The following PITPNC1 variants were observed in gnomAD, a reference collection of about 807,000 sequenced individuals.
PITPNC1 encodes the protein cytoplasmic phosphatidylinositol transfer protein 1.
PITPNC1 carries 18 observed loss-of-function variants against 44.7 expected under a neutral mutation model. The observed-to-expected ratio is 0.40, with a 90% CI of 0.28 to 0.60. The LOEUF is 0.60. PITPNC1 is among the 20% of genes least tolerant of loss of function. The pLI, the probability that PITPNC1 is intolerant of heterozygous loss-of-function variation, is 0.39. For synonymous variants in PITPNC1, 141 were observed against 149.6 expected, an observed-to-expected ratio of 0.94 and a Z score of 0.42; for missense variants, 290 against 418.4, an observed-to-expected ratio of 0.69 and a Z score of 2.68.
At chr17:67,665,283 G>T (rs896881495) in intron 6 of PITPNC1, among the ~76,000 whole-genome samples, 1 of 152,096 alleles carries the variant, frequency 6.6e-6, no homozygotes, top group African/African-American at 2.4e-5. Flanking sequence ...TGTAGAGAAG[G>T]GGTTTTGCCA....
At chr17:67,529,262 G>A (rs1038566639) in intron 1 of PITPNC1, among the ~76,000 whole-genome samples, 4 of 152,144 alleles carry the variant, frequency 2.6e-5, no homozygotes, top group Non-Finnish European at 4.4e-5. Flanking sequence ...GCTGACTGGC[G>A]TCTGGCTAAT....
chr17:67,524,748 C>CTTTTTTTTT lies in PITPNC1; in HGVS notation c.49-8030_49-8022dup, dbSNP rs1000220869. The CTTTTTTTTT allele has an allele frequency of 1.2e-3, 8 of 6,652 alleles. 3 individuals are homozygous for CTTTTTTTTT. The highest frequency in any genetic ancestry group is 4.6e-3 in the Admixed American group (2 of 434). The allele number at this position is 6,652 out of a possible 1,614,324, so 0.4% of individuals were successfully genotyped here. ...TGTTTCAAACATATATGAAGGTTTT[C>CTTTTTTTTT]TTTTTTTTTTTTTTTTTTTTTTTTT... is the stretch of plus-strand genomic sequence containing the variant. On this transcript the variant is annotated intron_variant, in intron 1 of 8. Coordinates refer to ENST00000581322, the MANE Select transcript of PITPNC1 (RefSeq NM_012417.4).
chr17:67,497,469 G>A (rs1598743942), intron 1 of PITPNC1, among the ~76,000 whole-genome samples: 2 of 128,866 alleles, frequency 1.6e-5, no homozygotes, highest in Non-Finnish European at 1.6e-5. Context: ...TTAGGAAGTC[G>A]TCTTTTTTTT....
Position 67,687,131 on chromosome 17 carries a change from T to G in PITPNC1, c.683-5441T>G, listed in dbSNP as rs765449858. On this transcript the variant is annotated intron_variant, in intron 8 of 8. Coordinates refer to ENST00000581322, the MANE Select transcript of PITPNC1 (RefSeq NM_012417.4). ...GCATGAACAAACCAACATAAAAGTT[T>G]GCAATCAGCATTCCTCCCCTGTGGA... 4 of 1,611,724 alleles carry G rather than the reference T, an allele frequency of 2.5e-6. No homozygotes were observed. In the African/African-American group the frequency reaches 5.3e-5, roughly 22 times the overall value.
rs71139144 is a variant in PITPNC1 at position 67,424,085 on chromosome 17, C to CAAAAA, written c.48+45901_48+45905dup. ...CCTAGGCAACAGTGGGAGACTGTCT[C>CAAAAA]AAAAAAAAAAAAAAAAAAAAAATAG... On this transcript the variant is annotated intron_variant, in intron 1 of 8. Coordinates refer to ENST00000581322, the MANE Select transcript of PITPNC1 (RefSeq NM_012417.4). Among the ~76,000 whole-genome samples the CAAAAA allele has an allele frequency of 4.4e-3, 335 of 76,054 alleles. 15 individuals carry two copies. Among genetic ancestry groups the CAAAAA allele is most frequent in the Non-Finnish European group, 6.4e-3 (254 of 39,842 alleles). 49.9% of individuals were successfully genotyped at this position (76,054 alleles called of 152,430 possible).
At chr17:67,379,332 CTG>C in intron 1 of PITPNC1, 1 of 985,428 alleles carries the variant, frequency 1.0e-6, no homozygotes, top group Non-Finnish European at 1.2e-6. Context: ...AGATGCATAA[CTG>C]AGAACATGGC....
chr17:67,527,078 C>T (rs2040400102), intron 1 of PITPNC1, among the ~76,000 whole-genome samples: 1 of 152,210 alleles, frequency 6.6e-6, no homozygotes, highest in Admixed American at 6.5e-5. Context: ...AATTGCTCCA[C>T]CATTCCTTAC....
chr17:67,688,107 G>A (rs1567782008), intron 8 of PITPNC1, among the ~76,000 whole-genome samples: 1 of 151,040 alleles, frequency 6.6e-6, no homozygotes, highest in Non-Finnish European at 1.5e-5. Context: ...GGGAGGCCGA[G>A]GCAGGTGGAT....
chr17:67,525,791 G>C (rs1204349439), intron 1 of PITPNC1, among the ~76,000 whole-genome samples: 1 of 152,218 alleles, frequency 6.6e-6, no homozygotes, highest in Non-Finnish European at 1.5e-5. Flanking sequence ...TAATGGTGAT[G>C]TGAAGAATGC....
chr17:67,686,037 T>G (rs775845122), intron 8 of PITPNC1, among the ~76,000 whole-genome samples: 31 of 151,596 alleles, frequency 2.0e-4, no homozygotes, highest in Non-Finnish European at 2.9e-4. Flanking sequence ...CACCATGTTG[T>G]CCAGGCTGGT....
At chr17:67,540,157 G>A (rs1017491540) in intron 2 of PITPNC1, among the ~76,000 whole-genome samples, 6 of 151,854 alleles carry the variant, frequency 4.0e-5, no homozygotes, top group Non-Finnish European at 8.8e-5. Context: ...AGGCTGGAGT[G>A]CAGTGGCATG....
chr17:67,578,325 C>A, intron 5 of PITPNC1, 68 bp downstream of exon 5: 1 of 1,059,636 alleles, frequency 9.4e-7, no homozygotes, highest in Non-Finnish European at 1.4e-6. Flanking sequence ...CTTCTCACAG[C>A]CCCTCTGTGA....
intron 1 of PITPNC1, among the ~76,000 whole-genome samples, chr17:67,434,664 T>A (rs1255465633): frequency 7.0e-6 from 1 of 142,128 alleles, no homozygotes; most frequent in Admixed American, 7.2e-5. Context: ...TACAAAAAAA[T>A]TTGCCAGGTG....
rs185953468 is a variant in PITPNC1 at position 67,641,078 on chromosome 17, A to G, written c.462+8840A>G. On this transcript the variant is annotated intron_variant, in intron 6 of 8. Transcript: ENST00000581322. ...ACAGTACGGAGCAAGGCAGCAAGAGAAATACATTCACACAGTCATGTGTGA... is the reference window on the plus strand; with the variant it reads ...ACAGTACGGAGCAAGGCAGCAAGAGGAATACATTCACACAGTCATGTGTGA... 1.9e-4 allele frequency among the ~76,000 whole-genome samples: 29 copies of G among 152,284 alleles called. No homozygotes were observed. The East Asian group carries it at 5.6e-3, about 29-fold the overall frequency.
intron 6 of PITPNC1, among the ~76,000 whole-genome samples, chr17:67,649,391 C>T (rs563607768): frequency 6.6e-6 from 1 of 152,340 alleles, no homozygotes; most frequent in Admixed American, 6.5e-5. Context: ...GGGGGCATCC[C>T]CTTGGGCATT....
rs142717431 is a variant in PITPNC1 at position 67,383,447 on chromosome 17, C to T, written c.48+5245C>T. Among the ~76,000 whole-genome samples, 13 of 152,314 alleles carry T rather than the reference C, an allele frequency of 8.5e-5. No homozygotes were observed. The East Asian group carries it at 2.5e-3, about 29-fold the overall frequency. On this transcript the variant is annotated intron_variant, in intron 1 of 8. Transcript: ENST00000581322. ...GTGTAAAGCAGGTACACTGGCTCTA[C>T]TCTCTAGTTGAAGGTGGCTGGGGAC... is the stretch of plus-strand genomic sequence containing the variant.
chr17:67,495,052 GT>G (rs1243868487), intron 1 of PITPNC1, among the ~76,000 whole-genome samples: 10 of 38,566 alleles, frequency 2.6e-4, no homozygotes, highest in South Asian at 1.4e-3. Context: ...TTTTTTTTTT[GT>G]TTTTTTTTTT....
intron 1 of PITPNC1, among the ~76,000 whole-genome samples, chr17:67,378,667 C>T (rs1186136307): frequency 3.3e-5 from 5 of 152,136 alleles, no homozygotes; most frequent in Non-Finnish European, 5.9e-5. Flanking sequence ...CCCCGAGCCC[C>T]GCGGGAGGAA....
intron 6 of PITPNC1, among the ~76,000 whole-genome samples, chr17:67,654,879 C>T (rs543112745): frequency 2.0e-5 from 3 of 152,154 alleles, no homozygotes; most frequent in Admixed American, 6.5e-5. Flanking sequence ...GTGATCTGCC[C>T]GCCTCATCCT....
Sources: gnomAD v4.1 joint callset for allele counts (sites outside exome capture counted in the v4.1 genomes callset) on GRCh38, gnomAD v4.1.1 for gene constraint, MANE v1.5 for transcripts, NCBI Gene and HGNC (gene_info 2026-07-23, HGNC 2026-07-21) for gene names.